MAP4K4: variants seen among roughly 807,000 people sequenced by gnomAD.
MAP4K4 encodes the protein mitogen-activated protein kinase kinase kinase kinase 4.
MAP4K4 carries 38 observed loss-of-function variants against 189.6 expected under a neutral mutation model. That is an observed-to-expected ratio of 0.20 (90% CI 0.15 to 0.26). The LOEUF is 0.26. Among genes scored for constraint, MAP4K4 ranks in the 10% least tolerant of loss-of-function variants. MAP4K4 has a pLI of 1.00. For synonymous variants in MAP4K4, 610 were observed against 624.3 expected, an observed-to-expected ratio of 0.98 and a Z score of 0.34; for missense variants, 1,054 against 1,726.9, an observed-to-expected ratio of 0.61 and a Z score of 6.91.
At chr2:101,808,955 G>A (rs1007266835) in intron 3 of MAP4K4, among the ~76,000 whole-genome samples, 9 of 152,208 alleles carry the variant, frequency 5.9e-5, no homozygotes, top group African/African-American at 1.4e-4. Flanking sequence ...CAGTCTTTGC[G>A]GAGTAAAGCT....
At chr2:101,836,296 G>A (rs1222485313) in intron 9 of MAP4K4, among the ~76,000 whole-genome samples, 1 of 151,824 alleles carries the variant, frequency 6.6e-6, no homozygotes, top group Non-Finnish European at 1.5e-5. Flanking sequence ...ATTAAAGAAA[G>A]AAAGCGACCG....
chr2:101,877,600 C>T (rs895966977), intron 27 of MAP4K4, among the ~76,000 whole-genome samples: 4 of 151,862 alleles, frequency 2.6e-5, no homozygotes, highest in African/African-American at 7.3e-5. Flanking sequence ...CTCAGCCTCC[C>T]GAGTAGCTGG....
At chr2:101,887,569 C>T (rs2098505878) in intron 30 of MAP4K4, among the ~76,000 whole-genome samples, 1 of 152,082 alleles carries the variant, frequency 6.6e-6, no homozygotes, top group Non-Finnish European at 1.5e-5. Flanking sequence ...TCATGGGCCT[C>T]AGGAGATATG....
intron 12 of MAP4K4, among the ~76,000 whole-genome samples, chr2:101,853,971 C>A (rs1474575375): frequency 6.6e-6 from 1 of 152,134 alleles, no homozygotes; most frequent in African/African-American, 2.4e-5. Context: ...GGGTAAATAA[C>A]AATTTTGCAA....
chr2:101,802,289 C>A (rs2094445676), intron 3 of MAP4K4, among the ~76,000 whole-genome samples: 1 of 152,176 alleles, frequency 6.6e-6, no homozygotes, highest in South Asian at 2.1e-4. Flanking sequence ...CTCCTGCCTC[C>A]ATGCTTGTTC....
At chr2:101,768,786 A>C (rs964984922) in intron 2 of MAP4K4, among the ~76,000 whole-genome samples, 7 of 152,210 alleles carry the variant, frequency 4.6e-5, no homozygotes, top group Admixed American at 2.0e-4. Flanking sequence ...ATTAAGTGAT[A>C]AGAAGATACC....
chr2:101,736,976 A>G (rs2060503029), intron 2 of MAP4K4, among the ~76,000 whole-genome samples: 1 of 152,184 alleles, frequency 6.6e-6, no homozygotes, highest in Admixed American at 6.5e-5. Context: ...TCACAGTATT[A>G]CATACTTGCT....
chr2:101,750,375 T>C (rs1248045274), intron 2 of MAP4K4, among the ~76,000 whole-genome samples: 3 of 139,432 alleles, frequency 2.2e-5, no homozygotes, highest in African/African-American at 8.3e-5. Flanking sequence ...ATGGATGAAA[T>C]TGGAAATCAT....
intron 17 of MAP4K4, 37 bp from the exon 18 acceptor site, chr2:101,864,893 T>C: frequency 7.6e-7 from 1 of 1,323,258 alleles, no homozygotes; most frequent in Non-Finnish European, 1.0e-6. Flanking sequence ...CCTTTTCATG[T>C]TTTCAATAAT....
chr2:101,836,636 C>T (rs1003455724), intron 9 of MAP4K4, among the ~76,000 whole-genome samples: 2 of 151,798 alleles, frequency 1.3e-5, no homozygotes, highest in African/African-American at 4.8e-5. Context: ...CATTTCCTCA[C>T]ATGTAGTAGG....
intron 2 of MAP4K4, among the ~76,000 whole-genome samples, chr2:101,707,210 AT>A (rs2042771307): frequency 1.5e-5 from 2 of 135,950 alleles, no homozygotes; most frequent in Admixed American, 7.3e-5. Context: ...TTTTTATTTT[AT>A]CTTTTTTTTT....
At chr2:101,704,213 GAGGCATGTTC>G (rs2040666706) in intron 2 of MAP4K4, among the ~76,000 whole-genome samples, 2 of 152,128 alleles carry the variant, frequency 1.3e-5, no homozygotes. Context: ...CTGCCACTGA[GAGGCATGTTC>G]AGGCTTGTTC....
intron 3 of MAP4K4, among the ~76,000 whole-genome samples, chr2:101,811,386 A>AAAAAAAGG (rs1559031931): frequency 7.1e-6 from 1 of 140,754 alleles, no homozygotes; most frequent in African/African-American, 3.1e-5. Flanking sequence ...AAAAAAAAAA[A>AAAAAAAGG]AAAAAGAATG....
At chr2:101,736,553 A>G (rs186799718) in intron 2 of MAP4K4, among the ~76,000 whole-genome samples, 162 of 152,366 alleles carry the variant, frequency 1.1e-3, no homozygotes, top group African/African-American at 3.5e-3. Flanking sequence ...TTATTGCAGC[A>G]GTGCCTGGCA....
chr2:101,870,479 A>G (rs1027615436), intron 23 of MAP4K4, 64 bp downstream of exon 23: 10 of 1,592,598 alleles, frequency 6.3e-6, no homozygotes, highest in Non-Finnish European at 8.6e-6. Flanking sequence ...CCACTTGCTC[A>G]TTCACTCACT....
chr2:101,845,877 T>C (rs565512589), intron 12 of MAP4K4, among the ~76,000 whole-genome samples: 45 of 152,312 alleles, frequency 3.0e-4, no homozygotes, highest in African/African-American at 1.1e-3. Flanking sequence ...CCAACAACAG[T>C]AAAGCCCTGT....
intron 10 of MAP4K4, among the ~76,000 whole-genome samples, chr2:101,840,421 G>A (rs1859711): frequency 0.063 from 9,559 of 152,094 alleles, 816 homozygotes; most frequent in African/African-American, 0.19. Context: ...TATTACAAGC[G>A]GTGTGGTAGC....
At chr2:101,698,661 G>A (rs961249380) in intron 2 of MAP4K4, 123 bp downstream of exon 2, 3 of 841,314 alleles carry the variant, frequency 3.6e-6, no homozygotes, top group Non-Finnish European at 5.9e-6. Context: ...TTGGGAGAGG[G>A]GTTTCTTTCG....
At chr2:101,845,352 C>T (rs1006245407) in intron 12 of MAP4K4, among the ~76,000 whole-genome samples, 8 of 152,102 alleles carry the variant, frequency 5.3e-5, no homozygotes, top group Non-Finnish European at 1.5e-5. Flanking sequence ...TTACAGCTTT[C>T]ACGTTTTTAA....
Sources: gnomAD v4.1 joint callset for allele counts (sites outside exome capture counted in the v4.1 genomes callset) on GRCh38, gnomAD v4.1.1 for gene constraint, MANE v1.5 for transcripts, NCBI Gene and HGNC (gene_info 2026-07-23, HGNC 2026-07-21) for gene names.